Variants in PCK1 observed in about 807,000 individuals in gnomAD.
PCK1 encodes phosphoenolpyruvate carboxykinase, cytosolic [GTP].
In PCK1, 44 loss-of-function variants were observed where a neutral mutation model predicts 50.3. The observed-to-expected ratio is 0.87, with a 90% CI of 0.69 to 1.12. PCK1 has a LOEUF of 1.12. Ranked by LOEUF, PCK1 falls within the 50% of genes most tolerant of loss-of-function variation. The pLI is 0.00. For missense variants in PCK1, 790 were observed against 815.0 expected, an observed-to-expected ratio of 0.97 and a Z score of 0.37; for synonymous variants, 332 against 314.3, an observed-to-expected ratio of 1.06 and a Z score of -0.59.
rs2146532828 is a variant in PCK1 at position 57,567,530 on chromosome 20, C to T, written c.*1726C>T. The T allele has an allele frequency of 6.6e-6, 1 of 152,376 alleles. No homozygotes were observed. Among genetic ancestry groups the T allele is most frequent in the Non-Finnish European group, 1.5e-5 (1 of 68,042 alleles). 9.4% of individuals were successfully genotyped at this position (152,376 alleles called of 1,614,324 possible). A position where few individuals can be genotyped will look rare whatever the true frequency, so the allele number is the denominator to read the frequency against. ...TGCTATCTGCTGTATTAGTTTAAAT[C>T]AGTGGCGTTCAAACTTGTTTCTCCT... On this transcript the variant is annotated 3_prime_UTR_variant, in exon 10 of 10. Coordinates refer to ENST00000319441, the MANE Select transcript of PCK1 (RefSeq NM_002591.4).
intron 2 of PCK1, 61 bp from the exon 3 acceptor site, chr20:57,562,010 C>A: frequency 7.0e-7 from 1 of 1,435,736 alleles, no homozygotes. Flanking sequence ...AGCCACGGTA[C>A]TGAAGGAGAT....
Position 57,562,827 on chromosome 20 carries a change from G to C in PCK1, c.538G>C (p.Val180Leu), listed in dbSNP as rs367998997. The change falls in exon 4 of 10, where the codon GTC becomes CTC. Residue 180 changes from valine (V) to leucine (L), a missense_variant. Coordinates refer to ENST00000319441, the MANE Select transcript of PCK1 (RefSeq NM_002591.4). ...MRIMTRMGTP[V>L]LEAVGDGEFV... ...GATCATGACGCGGATGGGCACGCCCGTCCTGGAAGCAGTGGGCGATGGGGA... is the reference window on the plus strand; with the variant it reads ...GATCATGACGCGGATGGGCACGCCCCTCCTGGAAGCAGTGGGCGATGGGGA... 2 of 1,613,992 alleles carry C rather than the reference G, an allele frequency of 1.2e-6. No homozygotes were observed. Among genetic ancestry groups the C allele is most frequent in the South Asian group, 1.1e-5 (1 of 91,076 alleles).
rs548285338 is a variant in PCK1, at chr20:57,565,118, C to T, written c.1397C>T (p.Ala466Val). Reference sequence around the variant, plus strand: ...GCGGCCATGAGATCAGAGGCCACAGCGGCTGCAGAACATAAAGGTAAATCA... The same window carrying T: ...GCGGCCATGAGATCAGAGGCCACAGTGGCTGCAGAACATAAAGGTAAATCA... ...VGAAMRSEAT[A>V]AAEHKGKIIM... The change falls in exon 9 of 10, where the codon GCG becomes GTG. Residue 466 changes from alanine (A) to valine (V), a missense_variant. By Grantham distance (64) the Ala-to-Val change is moderately conservative. Transcript: ENST00000319441. 1.2e-5 allele frequency: 19 copies of T among 1,613,352 alleles called. No individual in the cohort carries two copies. The highest frequency in any genetic ancestry group is 8.0e-5 in the African/African-American group (6 of 74,916).
chr20:57,561,681 C>G (rs2070144809), intron 2 of PCK1, 46 bp downstream of exon 2: 4 of 1,302,760 alleles, frequency 3.1e-6, no homozygotes, highest in Non-Finnish European at 3.3e-6. Context: ...GCAGGCAGGG[C>G]TCCCCTGCGT....
At position 57,566,985 on chromosome 20, in the gene PCK1, C is replaced by G. The variant is rs1203926242; in HGVS notation, c.*1181C>G. 6.6e-6 allele frequency: 1 copy of G among 152,192 alleles called. No homozygotes were observed. The highest frequency in any genetic ancestry group is 6.5e-5 in the Admixed American group (1 of 15,284). 9.4% of individuals were successfully genotyped at this position (152,192 alleles called of 1,614,324 possible). ...TGTATCCCGGACATCATGCCAACAC[C>G]ATGGGCTGCCCGAGAAGAGAGGTGG... On this transcript the variant is annotated 3_prime_UTR_variant, in exon 10 of 10. Transcript: ENST00000319441.
At position 57,566,670 on chromosome 20, in the gene PCK1, T is replaced by C. The variant is rs2146532344; in HGVS notation, c.*866T>C. 1 of 152,290 alleles carries C rather than the reference T, an allele frequency of 6.6e-6. No individual in the cohort carries two copies. The highest frequency in any genetic ancestry group is 1.9e-4 in the East Asian group (1 of 5,184). 9.4% of individuals were successfully genotyped at this position (152,290 alleles called of 1,614,324 possible). On this transcript the variant is annotated 3_prime_UTR_variant, in exon 10 of 10. Transcript: ENST00000319441. ...GAACCATGGTTGGGGTTTTCTGAAT[T>C]TGCTGAAGCCACTAGTTGGCATCCT...
In PCK1 at chr20:57,563,102, A is replaced by G; in HGVS notation, c.685A>G (p.Ile229Val). 6.2e-7 allele frequency: 1 copy of G among 1,614,136 alleles called. No individual in the cohort carries two copies. Among genetic ancestry groups the G allele is most frequent in the Non-Finnish European group, 8.5e-7 (1 of 1,180,012 alleles). The change falls in exon 5 of 10, where the codon ATC becomes GTC. Residue 229 changes from isoleucine (I) to valine (V), a missense_variant. By Grantham distance (29) the Ile-to-Val change is conservative. Transcript: ENST00000319441. The stretch of plus-strand genomic sequence containing the variant: ...CCACCTGCCTGACCGCAGAGAGATC[A>G]TCTCCTTTGGCAGTGGGTACGGCGG... ...IAHLPDRREI[I>V]SFGSGYGGNS...
At chr20:57,565,201 GTC>G (rs1302548422) in intron 9 of PCK1, 66 bp downstream of exon 9, 2 of 1,349,178 alleles carry the variant, frequency 1.5e-6, no homozygotes, top group Non-Finnish European at 2.1e-6. Flanking sequence ...TCACTCTTAT[GTC>G]TCTCTCCTTT....
rs1243082784 is a variant in PCK1, at chr20:57,566,747, A to T, written c.*943A>T. ...GTGAGGCTTATGTGGCAGGACTGGG[A>T]GGGTTTAATGCATGCTTTTTGACAG... On this transcript the variant is annotated 3_prime_UTR_variant, in exon 10 of 10. Coordinates refer to ENST00000319441, the MANE Select transcript of PCK1 (RefSeq NM_002591.4). The T allele has an allele frequency of 1.3e-5, 2 of 152,194 alleles. No homozygotes were observed. The highest frequency in any genetic ancestry group is 4.8e-5 in the African/African-American group (2 of 41,440). 9.4% of individuals were successfully genotyped at this position (152,194 alleles called of 1,614,324 possible).
intron 5 of PCK1, 148 bp from the exon 6 acceptor site, chr20:57,563,417 C>A: frequency 1.4e-6 from 1 of 692,858 alleles, no homozygotes; most frequent in East Asian, 2.7e-5. Context: ...CATAGAGATC[C>A]TTTGGACTTC....
rs773502172 is a variant in PCK1 at position 57,567,940 on chromosome 20, G to A, written c.*2136G>A. Reference sequence around the variant, plus strand: ...CAAGCCTGGGGGACAGCCTAGAGGAGGTGACTTACATACACAGCATAAGAG... The same window carrying A: ...CAAGCCTGGGGGACAGCCTAGAGGAAGTGACTTACATACACAGCATAAGAG... On this transcript the variant is annotated 3_prime_UTR_variant, in exon 10 of 10. Coordinates refer to ENST00000319441, the MANE Select transcript of PCK1 (RefSeq NM_002591.4). 19 of 152,246 alleles carry A rather than the reference G, an allele frequency of 1.2e-4. No individual in the cohort carries two copies. The highest frequency in any genetic ancestry group is 2.6e-4 in the Non-Finnish European group (18 of 68,094). 9.4% of individuals were successfully genotyped at this position (152,246 alleles called of 1,614,324 possible). A position where few individuals can be genotyped will look rare whatever the true frequency, so the allele number is the denominator to read the frequency against.
intron 6 of PCK1, 70 bp from the exon 7 acceptor site, chr20:57,564,099 C>T: frequency 1.0e-6 from 1 of 952,630 alleles, no homozygotes; most frequent in Non-Finnish European, 1.6e-6. Flanking sequence ...ATTAGTCCGG[C>T]AATATATAAG....
At chr20:57,563,925 G>A (rs1360100193) in intron 6 of PCK1, 198 bp downstream of exon 6, 2 of 614,186 alleles carry the variant, frequency 3.3e-6, no homozygotes, top group Admixed American at 3.1e-5. Flanking sequence ...TGGGCCATAT[G>A]TTGCTGTTTG....
Position 57,565,631 on chromosome 20 carries a change from C to T in PCK1, c.1696C>T (p.Leu566=), listed in dbSNP as rs940533786. 1 of 1,614,178 alleles carries T rather than the reference C, an allele frequency of 6.2e-7. No individual in the cohort carries two copies. The highest frequency in any genetic ancestry group is 8.5e-7 in the Non-Finnish European group (1 of 1,180,024). Residue 566 remains leucine (L), a synonymous_variant, in exon 10 of 10, where the codon CTG becomes TTG. Coordinates refer to ENST00000319441, the MANE Select transcript of PCK1 (RefSeq NM_002591.4). ...GYIPKEDALN[L]KGLGHINMME... ...CATCCCCAAGGAGGATGCCCTGAAC[C>T]TGAAAGGCCTGGGGCACATCAACAT...
chr20:57,564,644 A>G (rs774480123), intron 8 of PCK1, 31 bp downstream of exon 8: 5 of 1,553,214 alleles, frequency 3.2e-6, no homozygotes, highest in African/African-American at 1.4e-5. Flanking sequence ...GGCTGGGAAC[A>G]TGGGTGTGCT....
chr20:57,565,285 A>G (rs2070192603), intron 9 of PCK1, 65 bp from the exon 10 acceptor site: 1 of 1,394,344 alleles, frequency 7.2e-7, no homozygotes, highest in South Asian at 1.2e-5. Context: ...AATGTCAACA[A>G]TCAATGGCGT....
At chr20:57,563,544 A>G (rs779909324) in intron 5 of PCK1, 21 bp from the exon 6 acceptor site, 3 of 1,546,514 alleles carry the variant, frequency 1.9e-6, no homozygotes, top group Admixed American at 3.6e-5. Flanking sequence ...AGATCACAAT[A>G]AAGAATCTTG....
rs6025630 is a variant in PCK1, at chr20:57,565,855, G to T, written c.*51G>T. The T allele has an allele frequency of 2.9e-6, 4 of 1,390,450 alleles. No individual in the cohort carries two copies. The African/African-American group carries it at 5.7e-5, about 20-fold the overall frequency. 86.1% of individuals were successfully genotyped at this position (1,390,450 alleles called of 1,614,324 possible). A position where few individuals can be genotyped will look rare whatever the true frequency, so the allele number is the denominator to read the frequency against. ...AAATCATTCCCTTTCCCATCCATAA[G>T]GTGCAGTAGGAGCAAGAGAGGGCAA... On this transcript the variant is annotated 3_prime_UTR_variant, in exon 10 of 10. Coordinates refer to ENST00000319441, the MANE Select transcript of PCK1 (RefSeq NM_002591.4).
In PCK1 at chr20:57,562,862, A is replaced by G. The variant is rs1600706949; in HGVS notation, c.573A>G (p.Lys191=). ...LEAVGDGEFV[K]CLHSVGCPLP... is the part of the protein sequence containing the mutation. ...CAGTGGGCGATGGGGAGTTTGTCAAATGCCTCCATTCTGTGGGGTGCCCTC... is the reference window on the plus strand; with the variant it reads ...CAGTGGGCGATGGGGAGTTTGTCAAGTGCCTCCATTCTGTGGGGTGCCCTC... Residue 191 remains lysine, a synonymous_variant, in exon 4 of 10, where the codon AAA becomes AAG. Coordinates refer to ENST00000319441, the MANE Select transcript of PCK1 (RefSeq NM_002591.4). 6.2e-7 allele frequency: 1 copy of G among 1,613,654 alleles called. No homozygotes were observed. The highest frequency in any genetic ancestry group is 8.5e-7 in the Non-Finnish European group (1 of 1,179,544).
Sources: gnomAD v4.1 joint callset for allele counts on GRCh38, gnomAD v4.1.1 for gene constraint, MANE v1.5 for transcripts, NCBI Gene and HGNC (gene_info 2026-07-23, HGNC 2026-07-21) for gene names.